BSN: variants seen among roughly 807,000 people sequenced by gnomAD.
BSN encodes bassoon presynaptic cytomatrix protein, also known as protein bassoon.
Under a neutral mutation model 264.8 loss-of-function variants are expected in BSN, and 57 were observed. The ratio of observed to expected loss-of-function variants is 0.22; its 90% CI spans 0.17 to 0.27. The LOEUF (loss-of-function observed/expected upper bound fraction) is 0.27, where lower values mean the gene tolerates loss of function less well. Among genes scored for constraint, BSN ranks in the 10% least tolerant of loss-of-function variants. BSN has a pLI of 1.00. For synonymous variants in BSN, 2,059 were observed against 2,137.3 expected (o/e 0.96, Z 1.01); for missense variants, 4,615 against 5,232.5 (o/e 0.88, Z 3.64).
chr3:49,657,884 G>A lies in BSN; in HGVS notation c.8328G>A (p.Pro2776=), dbSNP rs141667051. 1.2e-5 allele frequency: 20 copies of A among 1,613,540 alleles called. No homozygotes were observed. Among genetic ancestry groups the A allele is most frequent in the East Asian group, 4.5e-5 (2 of 44,896 alleles). ...TTGGGTACCAGGCCCACCTGCCTCC[G>A]GAGTCTCTCTCACAGCTTGTGAGCC... ...LEIGYQAHLP[P]ESLSQLVSRQ... The change falls in exon 5 of 12, where the codon CCG becomes CCA. Residue 2776 remains proline (P), a synonymous_variant. Transcript: ENST00000296452.
chr3:49,589,082 A>ATTTTTTTTTTTT (rs55919876), intron 1 of BSN, among the ~76,000 whole-genome samples: 2 of 132,464 alleles, frequency 1.5e-5, no homozygotes, highest in Admixed American at 7.8e-5. Flanking sequence ...GCCTGGCTAA[A>ATTTTTTTTTTTT]TTTTTTTTTT....
In BSN at chr3:49,657,119, G is replaced by A. The variant is rs1307063866; in HGVS notation, c.7563G>A (p.Gln2521=). The change falls in exon 5 of 12, where the codon CAG becomes CAA. Residue 2521 remains glutamine (Q), a synonymous_variant. Transcript: ENST00000296452. ...TGGCAGGGCCTGAAGGACTTGGGCA[G>A]CCTCGTGAGCCTGTGCTGCACCGGG... is the stretch of plus-strand genomic sequence containing the variant. ...IAMAGPEGLG[Q]PREPVLHRGL... is the part of the protein sequence containing the mutation. 5 of 1,612,456 alleles carry A rather than the reference G, an allele frequency of 3.1e-6. No individual in the cohort carries two copies. The highest frequency in any genetic ancestry group is 4.2e-6 in the Non-Finnish European group (5 of 1,179,372).
At chr3:49,605,111 T>C (rs2052102149) in intron 1 of BSN, among the ~76,000 whole-genome samples, 1 of 148,524 alleles carries the variant, frequency 6.7e-6, no homozygotes, top group African/African-American at 2.5e-5. Flanking sequence ...AATACAAAAA[T>C]TAGCCAGACA....
rs150958807 is a variant in BSN, at chr3:49,642,624, C to T, written c.990C>T (p.Thr330=). 727 of 1,602,236 alleles carry T rather than the reference C, an allele frequency of 4.5e-4. 3 individuals are homozygous for T. In the South Asian group the frequency reaches 5.6e-3, roughly 12 times the overall value. ...PAGEAPAKSA[T]AVPAGLGATE... is the part of the protein sequence containing the mutation. ...GAGAGGCCCCGGCCAAAAGTGCCAC[C>T]GCAGTGCCCGCTGGGCTTGGTGCCA... is the stretch of plus-strand genomic sequence containing the variant. The change falls in exon 3 of 12, where the codon ACC becomes ACT. Residue 330 remains threonine, a synonymous_variant. Coordinates refer to ENST00000296452, the MANE Select transcript of BSN (RefSeq NM_003458.4). The surrounding 1 kb of genome is among the most constrained non-coding windows in gnomAD (Gnocchi z 7.0).
chr3:49,655,119 C>T lies in BSN; in HGVS notation c.5563C>T (p.Pro1855Ser). The T allele has an allele frequency of 6.2e-7, 1 of 1,612,424 alleles. No homozygotes were observed. Among genetic ancestry groups the T allele is most frequent in the African/African-American group, 1.3e-5 (1 of 75,070 alleles). The part of the protein sequence containing the change: ...TPAELRSHAL[P>S]GARKPHTVVV... The stretch of plus-strand genomic sequence containing the variant: ...TGCAGAGCTGCGGTCACATGCTCTG[C>T]CAGGTGCCAGGAAGCCACACACAGT... The change falls in exon 5 of 12, where the codon CCA (proline) becomes TCA (serine). Residue 1855 changes from proline (P) to serine (S), a missense_variant. Physicochemically the swap from Pro to Ser is moderately conservative, Grantham distance 74 (BLOSUM62 -1). Around this residue, in one of 3 missense-constraint regions of BSN, gnomAD observed 3,415 missense variants for 3,866.4 expected, o/e 0.88. Coordinates refer to ENST00000296452, the MANE Select transcript of BSN (RefSeq NM_003458.4).
chr3:49,587,897 C>A (rs1472968425), intron 1 of BSN, among the ~76,000 whole-genome samples: 3 of 133,534 alleles, frequency 2.2e-5, no homozygotes, highest in African/African-American at 9.5e-5. Flanking sequence ...TTTTTCTTTT[C>A]TTTTCTTTTC....
At chr3:49,641,529 A>T (rs2052464291) in intron 2 of BSN, 1 of 152,186 alleles carries the variant, frequency 6.6e-6, no homozygotes, top group Admixed American at 6.5e-5. Context: ...TTTGCTCTGG[A>T]GGCATGAATT....
At chr3:49,584,255 T>C (rs1188693884) in intron 1 of BSN, among the ~76,000 whole-genome samples, 1 of 143,670 alleles carries the variant, frequency 7.0e-6, no homozygotes, top group Non-Finnish European at 1.5e-5. Flanking sequence ...CATTTGAATC[T>C]TTTTTTCTTT....
chr3:49,601,788 T>C (rs2052074955), intron 1 of BSN, among the ~76,000 whole-genome samples: 1 of 152,252 alleles, frequency 6.6e-6, no homozygotes. Context: ...ATTTATTCTT[T>C]TATTTTTCAA....
downstream of BSN, among the ~76,000 whole-genome samples, chr3:49,672,726 C>G (rs376638234): frequency 6.6e-6 from 1 of 151,750 alleles, no homozygotes; most frequent in Non-Finnish European, 1.5e-5. Context: ...GGTGATCCAC[C>G]CGCCTCAGCC....
In BSN at chr3:49,653,501, C is replaced by T; in HGVS notation, c.3945C>T (p.Thr1315=). 1 of 1,613,924 alleles carries T rather than the reference C, an allele frequency of 6.2e-7. No homozygotes were observed. Among genetic ancestry groups the T allele is most frequent in the Admixed American group, 1.7e-5 (1 of 60,024 alleles). Residue 1315 remains threonine, a synonymous_variant, in exon 5 of 12, where the codon ACC becomes ACT. Coordinates refer to ENST00000296452, the MANE Select transcript of BSN (RefSeq NM_003458.4). The surrounding 1 kb of genome is among the most constrained non-coding windows in gnomAD (Gnocchi z 6.3). ...GGPLTPGTSP[T]QLAAPVSFST... ...CCCTTACCCCTGGTACCAGTCCCAC[C>T]CAGCTCGCTGCCCCTGTGTCCTTCT...
chr3:49,561,968 C>T (rs147923300), intron 1 of BSN, among the ~76,000 whole-genome samples: 116 of 152,082 alleles, frequency 7.6e-4, no homozygotes, highest in East Asian at 6.8e-3. Context: ...CCACCATGCC[C>T]GTCTAATTTT....
intron 1 of BSN, among the ~76,000 whole-genome samples, chr3:49,591,277 A>G (rs553528025): frequency 6.6e-6 from 1 of 152,356 alleles, no homozygotes; most frequent in African/African-American, 2.4e-5. Context: ...TATATGTTAC[A>G]TAGAAACAAT....
intron 6 of BSN, 102 bp from the exon 7 acceptor site, chr3:49,662,774 G>A: frequency 6.9e-7 from 1 of 1,455,676 alleles, no homozygotes; most frequent in Non-Finnish European, 9.1e-7. Context: ...ATCTGCTTGT[G>A]GCTGTGGCAC....
chr3:49,583,867 T>C (rs2051913558), intron 1 of BSN, among the ~76,000 whole-genome samples: 1 of 151,776 alleles, frequency 6.6e-6, no homozygotes, highest in African/African-American at 2.4e-5. Flanking sequence ...GCAATCCGAT[T>C]TATTTATTTA....
chr3:49,668,862 C>T lies in BSN; in HGVS notation c.*1377C>T, dbSNP rs979860191. On this transcript the variant is annotated 3_prime_UTR_variant, in exon 12 of 12. Transcript: ENST00000296452. ...CGTTCTATGCAATGAAATATAAACC[C>T]TCAATGACAACTGTTAATATTTAAT... is the stretch of plus-strand genomic sequence containing the variant. 1.3e-5 allele frequency: 2 copies of T among 152,636 alleles called. No homozygotes were observed. Among genetic ancestry groups the T allele is most frequent in the Non-Finnish European group, 2.9e-5 (2 of 68,042 alleles). The allele number at this position is 152,636 out of a possible 1,614,324, so 9.5% of individuals were successfully genotyped here. A position where few individuals can be genotyped will look rare whatever the true frequency, so the allele number is the denominator to read the frequency against.
intron 1 of BSN, among the ~76,000 whole-genome samples, chr3:49,615,433 C>A (rs999115532): frequency 2.0e-5 from 3 of 152,190 alleles, no homozygotes; most frequent in African/African-American, 7.2e-5. Context: ...ACTCTGGGGT[C>A]TTTTGAGTCT....
chr3:49,656,880 C>T lies in BSN; in HGVS notation c.7324C>T (p.Arg2442Trp), dbSNP rs747840898. The change falls in exon 5 of 12, where the codon CGG becomes TGG. Residue 2442 changes from arginine (R) to tryptophan (W), a missense_variant. Arg to Trp is a moderately radical substitution (Grantham distance 101). This residue lies in a region of BSN where 3,415 missense variants were observed against 3,866.4 expected (regional missense o/e 0.88). Transcript: ENST00000296452. ...ACGCCAGGCTCAATTTGCACTGCAG[C>T]GGGAACAGCTAGCGCAGCAGCGTCT... The part of the protein sequence containing the change: ...EERQAQFALQ[R>W]EQLAQQRLQL... 96 of 1,601,532 alleles carry T rather than the reference C, an allele frequency of 6.0e-5. No homozygotes were observed. Among genetic ancestry groups the T allele is most frequent in the Non-Finnish European group, 7.6e-5 (89 of 1,174,422 alleles).
At chr3:49,630,362 C>T (rs1269202629) in intron 2 of BSN, among the ~76,000 whole-genome samples, 1 of 152,210 alleles carries the variant, frequency 6.6e-6, no homozygotes, top group African/African-American at 2.4e-5. Context: ...AGGCCTTTCT[C>T]CCACCGAATA....
Sources: allele counts gnomAD v4.1 joint callset (sites outside exome capture counted in the v4.1 genomes callset), GRCh38; gene constraint gnomAD v4.1.1; regional missense constraint gnomAD v4.1.1; non-coding constraint Gnocchi (gnomAD v3.1); transcripts MANE v1.5; gene names NCBI Gene and HGNC (gene_info 2026-07-23, HGNC 2026-07-21).